Variants in CA4 observed in about 807,000 individuals in gnomAD.
CA4 encodes the protein carbonic anhydrase 4.
Under a neutral mutation model 34.5 loss-of-function variants are expected in CA4, and 24 were observed. The observed-to-expected ratio is 0.70, with a 90% CI of 0.50 to 0.98. The LOEUF (loss-of-function observed/expected upper bound fraction) is 0.98, where lower values mean the gene tolerates loss of function less well. CA4 is among the 50% of genes least tolerant of loss of function. The pLI, the probability that CA4 is intolerant of heterozygous loss-of-function variation, is 0.00. For synonymous variants in CA4, 178 were observed against 170.6 expected, an observed-to-expected ratio of 1.04 and a Z score of -0.34; for missense variants, 394 against 396.7, an observed-to-expected ratio of 0.99 and a Z score of 0.06.
intron 3 of CA4, among the ~76,000 whole-genome samples, 165 bp from the exon 4 acceptor site, chr17:60,157,262 G>GCTGTCCCACC (rs1567730580): frequency 6.6e-6 from 1 of 152,212 alleles, no homozygotes. Flanking sequence ...AAGGTCCGGG[G>GCTGTCCCACC]CTGTCCCACC....
intron 2 of CA4, 51 bp downstream of exon 2, chr17:60,155,418 G>A (rs1161979834): frequency 7.4e-6 from 11 of 1,489,088 alleles, no homozygotes; most frequent in African/African-American, 4.2e-5. Context: ...TGGGCACCAC[G>A]CAAGCCGAAA....
chr17:60,158,937 T>G (rs1431107140), intron 7 of CA4: 3 of 492,302 alleles, frequency 6.1e-6, no homozygotes, highest in Non-Finnish European at 1.1e-5. Context: ...TAACGCATGC[T>G]CAAGTTTGAG....
At chr17:60,156,047 C>T (rs1456551357) in intron 2 of CA4, among the ~76,000 whole-genome samples, 1 of 152,134 alleles carries the variant, frequency 6.6e-6, no homozygotes, top group African/African-American at 2.4e-5. Context: ...GGAACCAGCT[C>T]CTCCAGGGTT....
intron 7 of CA4, chr17:60,158,910 C>T (rs2083745637): frequency 1.8e-5 from 8 of 449,876 alleles, no homozygotes; most frequent in South Asian, 4.7e-5. Flanking sequence ...CCAACAAGCC[C>T]GCCCCCCAGC....
chr17:60,159,686 C>G, downstream of CA4: 2 of 588,258 alleles, frequency 3.4e-6, no homozygotes, highest in South Asian at 4.0e-5. Flanking sequence ...TGTCCCCACT[C>G]CCGTTCTATG....
intron 1 of CA4, among the ~76,000 whole-genome samples, chr17:60,153,252 T>C (rs371704374): frequency 6.6e-6 from 1 of 152,088 alleles, no homozygotes; most frequent in African/African-American, 2.4e-5. Context: ...GCAGGAGAAT[T>C]GCTTGAAACT....
chr17:60,156,657 C>T lies in CA4; in HGVS notation c.210C>T (p.Phe70=). 3 of 1,614,162 alleles carry T rather than the reference C, an allele frequency of 1.9e-6. No homozygotes were observed. The highest frequency in any genetic ancestry group is 2.5e-6 in the Non-Finnish European group (3 of 1,179,996). Residue 70 remains phenylalanine (F), a synonymous_variant, in exon 3 of 8, where the codon TTC becomes TTT. Coordinates refer to ENST00000300900, the MANE Select transcript of CA4 (RefSeq NM_000717.5). ...KAKVDKKLGR[F]FFSGYDKKQT... ...AGGTGGACAAAAAACTGGGACGCTTCTTCTTCTCTGGCTACGATAAGAAGC... is the reference window on the plus strand; with the variant it reads ...AGGTGGACAAAAAACTGGGACGCTTTTTCTTCTCTGGCTACGATAAGAAGC...
rs2083708074 is a variant in CA4 at position 60,157,450 on chromosome 17, GCCAGCATTTCTGGAGGAGGACTGCCTGC to G, written c.295_322del (p.Ser99HisfsTer34). 10 of 1,614,174 alleles carry G rather than the reference GCCAGCATTTCTGGAGGAGGACTGCCTGC, an allele frequency of 6.2e-6. No homozygotes were observed. Among genetic ancestry groups the G allele is most frequent in the Non-Finnish European group, 7.6e-6 (9 of 1,180,014 alleles). On this transcript the variant is annotated frameshift_variant, in exon 4 of 8. Transcript: ENST00000300900. LOFTEE classifies it high-confidence loss of function. The stretch of plus-strand genomic sequence containing the variant: ...AGTGATGATGTTGCTGGAGAACAAG[GCCAGCATTTCTGGAGGAGGACTGCCTGC>G]CCCATACCAGGCCAAACAGTTGCAC...
At chr17:60,172,702 G>A (rs2083921542), downstream of CA4, among the ~76,000 whole-genome samples, 1 of 152,046 alleles carries the variant, frequency 6.6e-6, no homozygotes, top group Non-Finnish European at 1.5e-5. Context: ...AAATTAGCCA[G>A]GTGTGGTGGC....
At chr17:60,178,482 A>G in the CA4 span, among the ~76,000 whole-genome samples, 7 of 152,274 alleles carry the variant, frequency 4.6e-5, no homozygotes, top group South Asian at 1.5e-3. Flanking sequence ...AGTATCCTAA[A>G]TGTAAGATGC....
chr17:60,150,152 C>A, intron 1 of CA4, 60 bp downstream of exon 1: 2 of 1,387,052 alleles, frequency 1.4e-6, no homozygotes, highest in Non-Finnish European at 2.0e-6. Flanking sequence ...GCCCCCAGCT[C>A]CCGCCCCTGC....
chr17:60,162,546 TAC>T (rs770876140), downstream of CA4, among the ~76,000 whole-genome samples: 11,431 of 131,592 alleles, frequency 0.087, 404 homozygotes, highest in Middle Eastern at 0.1. Context: ...CTGCATGGGG[TAC>T]ACACACACAC....
At chr17:60,164,615 T>C (rs564434311) in intron 5 of CA4, among the ~76,000 whole-genome samples, 2 of 152,260 alleles carry the variant, frequency 1.3e-5, no homozygotes, top group African/African-American at 2.4e-5. Flanking sequence ...GGTCTCGAAC[T>C]CCTGACCTCA....
chr17:60,171,509 A>C (rs2083910276), downstream of CA4, among the ~76,000 whole-genome samples: 1 of 152,238 alleles, frequency 6.6e-6, no homozygotes, highest in South Asian at 2.1e-4. Context: ...CCCTGTGGCC[A>C]TGATTTCTAG....
intron 5 of CA4, among the ~76,000 whole-genome samples, chr17:60,164,776 G>A (rs1014349716): frequency 4.6e-5 from 7 of 151,968 alleles, no homozygotes; most frequent in African/African-American, 1.2e-4. Flanking sequence ...CTCTTCCTCC[G>A]AGACTCCCAA....
intron 5 of CA4, among the ~76,000 whole-genome samples, chr17:60,170,143 G>A (rs1232190197): frequency 1.3e-5 from 2 of 152,196 alleles, no homozygotes; most frequent in African/African-American, 4.8e-5. Context: ...TAAAGCCCAC[G>A]CTACTGGGGC....
At chr17:60,178,699 G>A in the CA4 span, among the ~76,000 whole-genome samples, 2 of 152,202 alleles carry the variant, frequency 1.3e-5, no homozygotes, top group Admixed American at 6.5e-5. Flanking sequence ...GACAAAGAAA[G>A]GGTATGGAAA....
chr17:60,162,483 C>A (rs1219094443), downstream of CA4, among the ~76,000 whole-genome samples: 1 of 151,676 alleles, frequency 6.6e-6, no homozygotes, highest in Admixed American at 6.6e-5. Flanking sequence ...CAAAGAGGGT[C>A]CAGCCTGGCC....
At chr17:60,157,869 G>A (rs1347297689) in intron 5 of CA4, 81 bp downstream of exon 5, 4 of 1,509,806 alleles carry the variant, frequency 2.6e-6, no homozygotes, top group South Asian at 1.1e-5. Context: ...GGACTCCAGC[G>A]AGGCAGGAGG....
Sources: gnomAD v4.1 joint callset for allele counts (sites outside exome capture counted in the v4.1 genomes callset) on GRCh38, gnomAD v4.1.1 for gene constraint, MANE v1.5 for transcripts, NCBI Gene and HGNC (gene_info 2026-07-23, HGNC 2026-07-21) for gene names.